The following ANO1 variants were observed in gnomAD, a reference collection of about 807,000 sequenced individuals.
ANO1 encodes anoctamin-1.
ANO1 carries 59 observed loss-of-function variants against 124.0 expected under a neutral mutation model. That is an observed-to-expected ratio of 0.48 (90% CI 0.39 to 0.59). The LOEUF (loss-of-function observed/expected upper bound fraction) is 0.59. Among genes scored for constraint, ANO1 ranks in the 20% least tolerant of loss-of-function variants. The pLI is 0.00. For missense variants in ANO1, 1,059 were observed against 1,328.0 expected, an observed-to-expected ratio of 0.80 and a Z score of 3.15; for synonymous variants, 529 against 532.0, an observed-to-expected ratio of 0.99 and a Z score of 0.08.
At chr11:70,148,309 C>G (rs1461723612) in intron 11 of ANO1, among the ~76,000 whole-genome samples, 1 of 152,088 alleles carries the variant, frequency 6.6e-6, no homozygotes, top group Non-Finnish European at 1.5e-5. Context: ...TAGCGCCTAC[C>G]TCCTATGATC....
chr11:70,090,217 C>T (rs2044573211), intron 2 of ANO1, among the ~76,000 whole-genome samples: 1 of 152,272 alleles, frequency 6.6e-6, no homozygotes, highest in Middle Eastern at 3.4e-3. Context: ...CTGTGTTAGC[C>T]AGGATGGTCT....
intron 8 of ANO1, among the ~76,000 whole-genome samples, chr11:70,123,139 C>T (rs369626168): frequency 5.9e-5 from 9 of 152,074 alleles, no homozygotes; most frequent in African/African-American, 2.2e-4. Context: ...GGGGTCTGCC[C>T]AGGACTCTCG....
chr11:70,093,424 T>C (rs955848905), intron 2 of ANO1, among the ~76,000 whole-genome samples: 9 of 152,190 alleles, frequency 5.9e-5, no homozygotes, highest in Admixed American at 2.6e-4. Context: ...TTCTTGCAAC[T>C]AAGACCCATT....
chr11:70,003,902 C>T (rs1472217846), intron 1 of ANO1, among the ~76,000 whole-genome samples: 2 of 152,156 alleles, frequency 1.3e-5, no homozygotes, highest in South Asian at 2.1e-4. Context: ...TATCCTGGCC[C>T]TCAGCTCCTG....
At chr11:70,182,453 T>C in intron 23 of ANO1, 49 bp from the exon 24 acceptor site, 1 of 1,447,414 alleles carries the variant, frequency 6.9e-7, no homozygotes, top group African/African-American at 1.4e-5. Context: ...CGGCCGGCCC[T>C]TCTGCGCCCA....
chr11:70,110,184 C>CTTTT (rs923690897), intron 6 of ANO1, among the ~76,000 whole-genome samples: 21 of 118,054 alleles, frequency 1.8e-4, no homozygotes, highest in African/African-American at 2.2e-4. Flanking sequence ...TGTTCACTTT[C>CTTTT]TTTTTTTTTT....
At chr11:70,137,971 A>G (rs2047010340) in intron 11 of ANO1, among the ~76,000 whole-genome samples, 1 of 147,818 alleles carries the variant, frequency 6.8e-6, no homozygotes, top group Non-Finnish European at 1.5e-5. Context: ...CTTGGGTCCT[A>G]GGAGATTGAG....
chr11:70,186,144 G>A (rs1036067289), intron 25 of ANO1, among the ~76,000 whole-genome samples: 34 of 151,936 alleles, frequency 2.2e-4, no homozygotes, highest in South Asian at 4.2e-4. Context: ...AAAATTAGCC[G>A]GGTGTGGTGG....
rs975707871 is a variant in ANO1, at chr11:70,026,098, G to A, written c.58+39932G>A. Among the ~76,000 whole-genome samples, 66 of 143,866 alleles carry A rather than the reference G, an allele frequency of 4.6e-4. 1 individual carries two copies. The highest frequency in any genetic ancestry group is 8.6e-4 in the Non-Finnish European group (57 of 65,944). The allele number at this position is 143,866 out of a possible 152,430, so 94.4% of individuals were successfully genotyped here. ...TGGTGATGATGATGATGATGATGAC[G>A]GTGGTGGTGGTGATGATGACGATGG... On this transcript the variant is annotated intron_variant, in intron 1 of 27. Transcript: ENST00000531349.
Position 70,094,312 on chromosome 11 carries a change from T to A in ANO1, c.441+6228T>A, listed in dbSNP as rs80106287. Among the ~76,000 whole-genome samples, 1,368 of 152,294 alleles carry A rather than the reference T, an allele frequency of 9.0e-3. 22 individuals are homozygous for A. Among genetic ancestry groups the A allele is most frequent in the African/African-American group, 0.031 (1,293 of 41,560 alleles). On this transcript the variant is annotated intron_variant, in intron 2 of 25. Coordinates refer to ENST00000355303, the MANE Select transcript of ANO1 (RefSeq NM_018043.7). ...CTCAGGACAGGGAAGGGCAGCCATTTCTTGCCATTTCCCATGGAGGCCTTG... is the reference window on the plus strand; with the variant it reads ...CTCAGGACAGGGAAGGGCAGCCATTACTTGCCATTTCCCATGGAGGCCTTG...
At chr11:70,041,522 A>T (rs371289418) in intron 1 of ANO1, among the ~76,000 whole-genome samples, 13 of 152,246 alleles carry the variant, frequency 8.5e-5, no homozygotes, top group African/African-American at 2.9e-4. Flanking sequence ...CATTTCATCC[A>T]GTTGGCAGAA....
At chr11:70,159,875 G>A (rs915745914) in intron 16 of ANO1, among the ~76,000 whole-genome samples, 2 of 152,244 alleles carry the variant, frequency 1.3e-5, no homozygotes, top group Non-Finnish European at 2.9e-5. Context: ...CCCACGCCTC[G>A]CAGCAGGGCT....
intron 14 of ANO1, among the ~76,000 whole-genome samples, chr11:70,154,460 CTTTTTTTTTTTTTT>C (rs35077245): frequency 1.2e-5 from 1 of 84,262 alleles, no homozygotes. Flanking sequence ...GGAAGTATGT[CTTTTTTTTTTTTTT>C]TTTTTTTTTT....
At chr11:69,975,955 G>A in the ANO1 span, among the ~76,000 whole-genome samples, 1 of 152,130 alleles carries the variant, frequency 6.6e-6, no homozygotes, top group Non-Finnish European at 1.5e-5. Flanking sequence ...CCCTGCCCTT[G>A]GCCTTGCTGT....
chr11:70,150,915 C>T (rs1307329215), intron 12 of ANO1, among the ~76,000 whole-genome samples: 1 of 152,194 alleles, frequency 6.6e-6, no homozygotes, highest in Non-Finnish European at 1.5e-5. Context: ...CCCTCTCAGA[C>T]TGAACCCAAG....
Position 70,103,122 on chromosome 11 carries a change from C to A in ANO1, c.498C>A (p.Cys166Ter). Residue 166 changes from cysteine (C) to a stop codon, truncating the protein, a stop_gained, in exon 3 of 26, where the codon TGC becomes TGA. Coordinates refer to ENST00000355303, the MANE Select transcript of ANO1 (RefSeq NM_018043.7). LOFTEE classifies it high-confidence loss of function. ...VKIHAPWNVL[C>*]REAEFLKLKM... ...TCCATGCCCCCTGGAACGTGCTGTG[C>A]AGAGAGGCCGAGTTTCTGAAACTGA... The A allele has an allele frequency of 6.2e-7, 1 of 1,612,900 alleles. No individual in the cohort carries two copies. The highest frequency in any genetic ancestry group is 8.5e-7 in the Non-Finnish European group (1 of 1,179,518).
intron 1 of ANO1, among the ~76,000 whole-genome samples, chr11:70,071,768 C>G (rs1003096428): frequency 6.6e-6 from 1 of 152,076 alleles, no homozygotes; most frequent in African/African-American, 2.4e-5. Flanking sequence ...GGATTATAGG[C>G]ACGCACCACC....
chr11:70,173,541 CT>C, intron 22 of ANO1, among the ~76,000 whole-genome samples: 1 of 152,338 alleles, frequency 6.6e-6, no homozygotes, highest in East Asian at 1.9e-4. Context: ...CCCCTTGCCC[CT>C]CATACCACAG....
chr11:70,107,927 T>G (rs2045623385), intron 5 of ANO1, among the ~76,000 whole-genome samples: 1 of 152,186 alleles, frequency 6.6e-6, no homozygotes, highest in Non-Finnish European at 1.5e-5. Flanking sequence ...CCCAGAGTCC[T>G]AGAACATTCA....
Sources: gnomAD v4.1 joint callset for allele counts (sites outside exome capture counted in the v4.1 genomes callset) on GRCh38, gnomAD v4.1.1 for gene constraint, MANE v1.5 for transcripts, NCBI Gene and HGNC (gene_info 2026-07-23, HGNC 2026-07-21) for gene names.